ITGB2: variants seen among roughly 807,000 people sequenced by gnomAD.
ITGB2 encodes the protein integrin subunit beta 2.
A neutral mutation model predicts 86.8 loss-of-function variants in ITGB2; 56 were observed. The observed-to-expected ratio is 0.65, with a 90% CI of 0.52 to 0.81. The LOEUF is 0.81. ITGB2 is among the 30% of genes least tolerant of loss of function. The pLI, the probability that ITGB2 is intolerant of heterozygous loss-of-function variation, is 0.00. For synonymous variants in ITGB2, 457 were observed against 450.4 expected (o/e 1.01, Z -0.19); for missense variants, 948 against 1,061.2 (o/e 0.89, Z 1.48).
chr21:44,911,868 C>T (rs1435632515), intron 1 of ITGB2, among the ~76,000 whole-genome samples: 1 of 152,168 alleles, frequency 6.6e-6, no homozygotes, highest in Non-Finnish European at 1.5e-5. Context: ...CCGGGAGGTG[C>T]CCAAACCAGG....
intron 1 of ITGB2, 76 bp downstream of exon 1, chr21:44,920,745 G>T (rs1421526156): frequency 6.6e-6 from 1 of 152,420 alleles, no homozygotes; most frequent in Non-Finnish European, 1.5e-5. Context: ...GGCCACCAGG[G>T]TCACTCCAGG....
chr21:44,898,604 G>A (rs2083902444), intron 8 of ITGB2, among the ~76,000 whole-genome samples: 1 of 152,230 alleles, frequency 6.6e-6, no homozygotes, highest in Admixed American at 6.5e-5. Context: ...TTCACTGGGG[G>A]CCTCTTTTTC....
chr21:44,905,278 TA>T (rs2084025918), intron 4 of ITGB2, among the ~76,000 whole-genome samples: 1 of 152,068 alleles, frequency 6.6e-6, no homozygotes, highest in African/African-American at 2.4e-5. Flanking sequence ...GGGGTGCTGT[TA>T]AGATCTCTCC....
At position 44,901,590 on chromosome 21, in the gene ITGB2, T is replaced by C. The variant is rs770505759; in HGVS notation, c.643A>G (p.Asn215Asp). 1.9e-5 allele frequency: 30 copies of C among 1,614,128 alleles called. No homozygotes were observed. The Admixed American group carries it at 3.5e-4, about 19-fold the overall frequency. The change falls in exon 6 of 16, where the codon AAC (asparagine) becomes GAC (aspartate). Residue 215 changes from asparagine to aspartate, a missense_variant. Coordinates refer to ENST00000652462, the MANE Select transcript of ITGB2 (RefSeq NM_000211.5). Reference protein sequence around the residue: ...RHVLKLTNNSNQFQTEVGKQL... With the variant: ...RHVLKLTNNSDQFQTEVGKQL... ...TTCCCGACCTCGGTCTGAAACTGGTTGGAGTTGTTGGTCAGCTTCAGCACG... is the reference window on the plus strand; with the variant it reads ...TTCCCGACCTCGGTCTGAAACTGGTCGGAGTTGTTGGTCAGCTTCAGCACG...
chr21:44,893,933 CAG>C (rs1280541417), intron 9 of ITGB2: 4 of 331,526 alleles, frequency 1.2e-5, no homozygotes, highest in African/African-American at 8.6e-5. Flanking sequence ...GAGCCAGAGA[CAG>C]AGAGATGGAG....
intron 1 of ITGB2, among the ~76,000 whole-genome samples, chr21:44,917,842 GC>G (rs2084234072): frequency 6.6e-6 from 1 of 152,218 alleles, no homozygotes; most frequent in South Asian, 2.1e-4. Context: ...TTCCCCTGGG[GC>G]TAACTCTTCT....
chr21:44,886,988 A>G (rs998210271), intron 14 of ITGB2, 86 bp from the exon 15 acceptor site: 25 of 1,531,912 alleles, frequency 1.6e-5, no homozygotes, highest in Middle Eastern at 1.7e-4. Flanking sequence ...ACCCCACAAC[A>G]CAGCACTTAG....
At chr21:44,926,805 A>C (rs1219898869) in intron 1 of ITGB2, 1 of 152,288 alleles carries the variant, frequency 6.6e-6, no homozygotes, top group Non-Finnish European at 1.5e-5. Context: ...TATGTATTCC[A>C]GAAAACTACC....
rs201148219 is a variant in ITGB2 at position 44,900,449 on chromosome 21, C to T, written c.768G>A (p.Thr256=). ...CPEEIGWRNV[T]RLLVFATDDG... ...CATCAGTGGCAAACACCAGCAGCCG[C>T]GTGACGTTGCGCCAGCCGATTTCCT... Residue 256 remains threonine, a synonymous_variant, in exon 7 of 16, where the codon ACG becomes ACA. Transcript: ENST00000652462. 111 of 1,613,930 alleles carry T rather than the reference C, an allele frequency of 6.9e-5. No individual in the cohort carries two copies. Among genetic ancestry groups the T allele is most frequent in the South Asian group, 4.9e-4 (45 of 91,076 alleles).
At chr21:44,908,222 G>A (rs780746652) in intron 3 of ITGB2, 37 of 684,698 alleles carry the variant, frequency 5.4e-5, no homozygotes, top group East Asian at 3.4e-4. Context: ...AGCTGCTGAC[G>A]GTAAGGAATG....
Position 44,890,218 on chromosome 21 carries a change from C to G in ITGB2, c.1417G>C (p.Asp473His). 6.2e-7 allele frequency: 1 copy of G among 1,613,138 alleles called. No individual in the cohort carries two copies. Residue 473 changes from aspartate (D) to histidine (H), a missense_variant, in exon 12 of 16, where the codon GAC (aspartate) becomes CAC (histidine). Coordinates refer to ENST00000652462, the MANE Select transcript of ITGB2 (RefSeq NM_000211.5). ...CAGTTTTTCCCAATGTAGCCAGTGT[C>G]ACACCTGGGGACAGGAGGGGCCCCA... ...GFLECGICRC[D>H]TGYIGKNCEC...
intron 4 of ITGB2, 22 bp downstream of exon 4, chr21:44,906,893 C>T: frequency 6.2e-7 from 1 of 1,613,524 alleles, no homozygotes; most frequent in Non-Finnish European, 8.5e-7. Context: ...GTGCCTGGCA[C>T]CACCACCGAG....
intron 1 of ITGB2, among the ~76,000 whole-genome samples, chr21:44,912,225 C>T (rs572291419): frequency 6.6e-6 from 1 of 152,324 alleles, no homozygotes; most frequent in East Asian, 1.9e-4. Flanking sequence ...AGACCCAAGC[C>T]AGCAGAGCCC....
At chr21:44,927,696 G>C (rs2084391965) in intron 1 of ITGB2, 1 of 152,332 alleles carries the variant, frequency 6.6e-6, no homozygotes, top group Non-Finnish European at 1.5e-5. Context: ...TGGGGGCAGG[G>C]GCGGGGGCGG....
At chr21:44,904,718 T>C (rs1485151530) in intron 4 of ITGB2, among the ~76,000 whole-genome samples, 1 of 151,358 alleles carries the variant, frequency 6.6e-6, no homozygotes, top group Non-Finnish European at 1.5e-5. Flanking sequence ...TACACATGCA[T>C]GCCACACACA....
intron 1 of ITGB2, among the ~76,000 whole-genome samples, chr21:44,916,903 G>A (rs906856383): frequency 8.0e-5 from 12 of 150,558 alleles, no homozygotes; most frequent in African/African-American, 2.9e-4. Flanking sequence ...GGGGAAAATA[G>A]CAAGAAGACA....
intron 8 of ITGB2, among the ~76,000 whole-genome samples, chr21:44,898,174 G>T (rs150870364): frequency 2.6e-3 from 396 of 152,288 alleles, no homozygotes; most frequent in African/African-American, 9.1e-3. Flanking sequence ...CAGCCATGGG[G>T]TGTCAGCCGC....
chr21:44,910,789 T>G lies in ITGB2; in HGVS notation c.-3-4A>C, dbSNP rs778527137. On this transcript the variant is annotated splice_region_variant and splice_polypyrimidine_tract_variant and intron_variant, in intron 1 of 15. Transcript: ENST00000652462. The stretch of plus-strand genomic sequence containing the variant: ...GGGGGCGCAGGCCCAGCATGTCCTG[T>G]GGAGGGAAGGGGTCTTGGTGACGGT... 1.2e-6 allele frequency: 2 copies of G among 1,612,756 alleles called. No homozygotes were observed. The highest frequency in any genetic ancestry group is 2.2e-5 in the East Asian group (1 of 44,822).
chr21:44,900,834 A>T (rs2083945299), intron 6 of ITGB2, among the ~76,000 whole-genome samples: 1 of 152,238 alleles, frequency 6.6e-6, no homozygotes, highest in African/African-American at 2.4e-5. Context: ...AACGAGTGCA[A>T]CATGGAGGAA....
Sources: allele counts gnomAD v4.1 joint callset (sites outside exome capture counted in the v4.1 genomes callset), GRCh38; gene constraint gnomAD v4.1.1; transcripts MANE v1.5; gene names NCBI Gene and HGNC (gene_info 2026-07-23, HGNC 2026-07-21).